TBL1Y: variants seen among roughly 807,000 people sequenced by gnomAD.
TBL1Y encodes the protein transducin beta like 1 Y-linked, also known as F-box-like/WD repeat-containing protein TBL1Y.
In TBL1Y, 15 loss-of-function variants were observed where a neutral mutation model predicts 12.0. The observed-to-expected ratio is 1.25, with a 90% CI of 0.83 to 1.92. The LOEUF (loss-of-function observed/expected upper bound fraction) is 1.92. Among genes scored for constraint, TBL1Y ranks in the 40% most tolerant of loss-of-function variants. The pLI, the probability that TBL1Y is intolerant of heterozygous loss-of-function variation, is 0.00. For synonymous variants in TBL1Y, 53 were observed against 42.6 expected, an observed-to-expected ratio of 1.24 and a Z score of -0.95; for missense variants, 148 against 116.7, an observed-to-expected ratio of 1.27 and a Z score of -1.24.
At chrY:6,993,381 A>C (rs1603035500) in intron 3 of TBL1Y, among the ~76,000 whole-genome samples, 1 of 31,310 alleles carries the variant, frequency 3.2e-5, no homozygotes, top group East Asian at 8.4e-4. Flanking sequence ...TTTTTAAAAA[A>C]AAAAAATTTA....
At chrY:6,966,073 C>T (rs2012167197) in intron 2 of TBL1Y, among the ~76,000 whole-genome samples, 2 of 32,373 alleles carry the variant, frequency 6.2e-5, no homozygotes, top group Non-Finnish European at 1.5e-4. Flanking sequence ...GCATATTTTT[C>T]CTTTTTTTTT....
At chrY:6,911,509 G>A (rs955754582) in intron 1 of TBL1Y, among the ~76,000 whole-genome samples, 4 of 34,316 alleles carry the variant, frequency 1.2e-4, no homozygotes, top group Admixed American at 2.6e-4. Context: ...TCGGGCCCGC[G>A]GCGTCTGCTC....
At chrY:7,039,767 T>C (rs1603042402) in intron 6 of TBL1Y, among the ~76,000 whole-genome samples, 2 of 33,433 alleles carry the variant, frequency 6.0e-5, no homozygotes, top group Non-Finnish European at 1.5e-4. Flanking sequence ...GAATGGCTCC[T>C]GTCCCTTGTG....
At chrY:7,016,563 T>C (rs2012551722) in intron 4 of TBL1Y, among the ~76,000 whole-genome samples, 1 of 32,960 alleles carries the variant, frequency 3.0e-5, no homozygotes, top group Non-Finnish European at 7.4e-5. Context: ...ATTTGACCAA[T>C]GTAGAGGAAT....
At position 7,004,935 on chromosome Y, in the gene TBL1Y, A is replaced by G. The variant is rs370318904; in HGVS notation, c.-140+9037A>G. On this transcript the variant is annotated intron_variant, in intron 4 of 18. Coordinates refer to ENST00000383032, the MANE Select transcript of TBL1Y (RefSeq NM_033284.2). ...CCCTTGCTACTTATGCACAGTTGGT[A>G]TGCTAAGGATACTTTTAATATTTTT... Among the ~76,000 whole-genome samples, 391 of 33,791 alleles carry G rather than the reference A, an allele frequency of 0.012. No homozygotes were observed. The Middle Eastern group carries it at 0.25, about 22-fold the overall frequency. The allele number at this position is 33,791 out of a possible 37,273, so 90.7% of individuals were successfully genotyped here. A position where few individuals can be genotyped will look rare whatever the true frequency, so the allele number is the denominator to read the frequency against.
intron 8 of TBL1Y, among the ~76,000 whole-genome samples, chrY:7,065,278 A>C: frequency 3.0e-5 from 1 of 32,841 alleles, no homozygotes; most frequent in Admixed American, 2.8e-4. Flanking sequence ...GTCTCATGAG[A>C]TCTTACGGTT....
chrY:7,041,716 T>C (rs2012721946), intron 6 of TBL1Y, among the ~76,000 whole-genome samples: 1 of 33,197 alleles, frequency 3.0e-5, no homozygotes, highest in Non-Finnish European at 7.4e-5. Flanking sequence ...TAGGGTTGCC[T>C]GTATTAGGAA....
intron 4 of TBL1Y, among the ~76,000 whole-genome samples, chrY:6,996,179 C>T: frequency 3.0e-5 from 1 of 33,383 alleles, no homozygotes; most frequent in Admixed American, 2.7e-4. Flanking sequence ...ACCAGCAGAG[C>T]TTCTGAACCT....
At chrY:6,919,919 T>A in intron 2 of TBL1Y, 1 of 34,139 alleles carries the variant, frequency 2.9e-5, no homozygotes, top group East Asian at 7.7e-4. Context: ...TTATTTCATT[T>A]ATGACTTTGA....
intron 4 of TBL1Y, among the ~76,000 whole-genome samples, chrY:7,015,386 C>T: frequency 3.0e-5 from 1 of 33,309 alleles, no homozygotes; most frequent in East Asian, 8.0e-4. Flanking sequence ...TCCCACTACC[C>T]GGAGCTGTGA....
intron 7 of TBL1Y, among the ~76,000 whole-genome samples, chrY:7,062,991 C>G: frequency 3.0e-5 from 1 of 33,266 alleles, no homozygotes; most frequent in Non-Finnish European, 7.4e-5. Context: ...ATGTGAGGAT[C>G]CTTTAAGGTA....
chrY:6,977,075 A>T (rs2012247831), intron 2 of TBL1Y, among the ~76,000 whole-genome samples: 1 of 33,132 alleles, frequency 3.0e-5, no homozygotes. Flanking sequence ...TGTAGCAGAG[A>T]GTTGTTAAGA....
chrY:6,999,606 G>A, intron 4 of TBL1Y, among the ~76,000 whole-genome samples: 1 of 28,599 alleles, frequency 3.5e-5, no homozygotes, highest in Non-Finnish European at 8.1e-5. Flanking sequence ...GTTGAAAATA[G>A]AAGTAGAATA....
intron 2 of TBL1Y, among the ~76,000 whole-genome samples, chrY:6,939,862 A>G (rs2011935561): frequency 3.4e-5 from 1 of 29,017 alleles, no homozygotes; most frequent in South Asian, 8.2e-4. Context: ...TTTAGTAGAA[A>G]TGGGATTTCT....
chrY:7,070,129 A>G, intron 8 of TBL1Y, 67 bp from the exon 9 acceptor site: 1 of 350,846 alleles, frequency 2.9e-6, no homozygotes, highest in Non-Finnish European at 4.2e-6. Flanking sequence ...CTGGAAACAA[A>G]AGTGCCCTTT....
chrY:7,083,117 ACT>A (rs2013109186), intron 14 of TBL1Y, among the ~76,000 whole-genome samples: 1 of 33,253 alleles, frequency 3.0e-5, no homozygotes, highest in Non-Finnish European at 7.4e-5. Context: ...AGCTGCACAC[ACT>A]GTTTCTGGTT....
chrY:7,071,824 A>T lies in TBL1Y; in HGVS notation c.888A>T (p.Val296=). Residue 296 remains valine (V), a synonymous_variant, in exon 12 of 19, where the codon GTA becomes GTT. Coordinates refer to ENST00000383032, the MANE Select transcript of TBL1Y (RefSeq NM_033284.2). ...GGAATTATGTTTTGAGTGCTGGTGT[A>T]GACAAAGTGAGTATTAGCTTAAAAT... ...KKGNYVLSAG[V]DKTTIIWDAH... 2.6e-6 allele frequency: 1 copy of T among 387,658 alleles called. No homozygotes were observed.
chrY:7,051,572 G>A (rs2012797733), intron 7 of TBL1Y, among the ~76,000 whole-genome samples: 1 of 33,899 alleles, frequency 2.9e-5, no homozygotes, highest in African/African-American at 1.1e-4. Flanking sequence ...TTACTACATT[G>A]TTTCATAATT....
Position 7,090,178 on chromosome Y carries a change from G to A in TBL1Y, c.1536G>A (p.Ala512=), listed in dbSNP as rs747959197. 1.1e-4 allele frequency: 44 copies of A among 395,100 alleles called. No homozygotes were observed. Among genetic ancestry groups the A allele is most frequent in the African/African-American group, 8.2e-4 (13 of 15,772 alleles). Residue 512 remains alanine (A), a synonymous_variant, in exon 18 of 19, where the codon GCG becomes GCA. Transcript: ENST00000383032. ...NARGDKVGAS[A]SDGSVCVLDL ...GAGGAGATAAAGTGGGCGCCAGCGC[G>A]TCTGATGGCTCTGTAAGCAACACCT...
Sources: gnomAD v4.1 joint callset for allele counts (sites outside exome capture counted in the v4.1 genomes callset) on GRCh38, gnomAD v4.1.1 for gene constraint, MANE v1.5 for transcripts, NCBI Gene and HGNC (gene_info 2026-07-23, HGNC 2026-07-21) for gene names.